Variants in CSMD1 observed in about 807,000 individuals in gnomAD.
CSMD1 encodes CUB and sushi domain-containing protein 1.
CSMD1 carries 213 observed loss-of-function variants against 417.5 expected under a neutral mutation model. The observed-to-expected ratio is 0.51, with a 90% CI of 0.46 to 0.57. CSMD1 has a LOEUF of 0.57. Ranked by LOEUF, CSMD1 falls within the 20% of genes least tolerant of loss-of-function variation. The probability of loss-of-function intolerance (pLI) is 0.00; values close to 1 mark genes in which losing one functional copy is unlikely to be tolerated. For missense variants in CSMD1, 6,923 were observed against 4,529.7 expected, an observed-to-expected ratio of 1.53 and a Z score of -15.17; for synonymous variants, 2,862 against 1,736.8, an observed-to-expected ratio of 1.65 and a Z score of -16.11.
At position 4,115,572 on chromosome 8, in the gene CSMD1, G is replaced by A. The variant is rs116596180; in HGVS notation, c.416-83473C>T. On this transcript the variant is annotated intron_variant, in intron 3 of 69. Transcript: ENST00000635120. ...TCATAATTTATTATTTGGCTAATAA[G>A]GAACTTAACTGATCATACATTTTTA... Among the ~76,000 whole-genome samples, 532 of 152,120 alleles carry A rather than the reference G, an allele frequency of 3.5e-3. 5 individuals are homozygous for A. Among genetic ancestry groups the A allele is most frequent in the African/African-American group, 0.012 (491 of 41,480 alleles).
intron 22 of CSMD1, among the ~76,000 whole-genome samples, chr8:3,346,033 ATGTGCGAAGGATCAATG>A (rs999332527): frequency 6.6e-6 from 1 of 152,170 alleles, no homozygotes; most frequent in African/African-American, 2.4e-5. Flanking sequence ...ACATCACAGT[ATGTGCGAAGGATCAATG>A]TGAACAGCAT....
intron 55 of CSMD1, among the ~76,000 whole-genome samples, chr8:2,976,276 T>C (rs1015205056): frequency 2.6e-5 from 4 of 152,156 alleles, no homozygotes; most frequent in Non-Finnish European, 5.9e-5. Context: ...TTCACAGTGC[T>C]AAAACTGAAA....
At chr8:3,834,418 C>A (rs368993212) in intron 5 of CSMD1, among the ~76,000 whole-genome samples, 21 of 152,070 alleles carry the variant, frequency 1.4e-4, no homozygotes, top group African/African-American at 5.1e-4. Context: ...CCAAATACCC[C>A]CTGGAAGTGG....
chr8:3,444,585 G>A (rs898663051), intron 12 of CSMD1, among the ~76,000 whole-genome samples: 34 of 152,196 alleles, frequency 2.2e-4, no homozygotes, highest in African/African-American at 7.7e-4. Flanking sequence ...TATCTGGTGG[G>A]TCAAGGCCAA....
chr8:3,936,975 G>A (rs1810541332), intron 5 of CSMD1, among the ~76,000 whole-genome samples: 1 of 152,272 alleles, frequency 6.6e-6, no homozygotes, highest in African/African-American at 2.4e-5. Context: ...TTTAAAAGAA[G>A]TTGATTTCAA....
At position 4,492,796 on chromosome 8, in the gene CSMD1, T is replaced by A. The variant is rs553815115; in HGVS notation, c.303-72731A>T. On this transcript the variant is annotated intron_variant, in intron 2 of 69. Transcript: ENST00000635120. ...TCTCTTTCCATACAGTTCTTGATCC[T>A]TATTCAGAGCACACAGTAATTTACT... 9.8e-5 allele frequency among the ~76,000 whole-genome samples: 15 copies of A among 152,352 alleles called. No individual in the cohort carries two copies. In the South Asian group the frequency reaches 3.1e-3, roughly 32 times the overall value.
In CSMD1 at chr8:4,559,012, C is replaced by T. The variant is rs576786412; in HGVS notation, c.302+78330G>A. On this transcript the variant is annotated intron_variant, in intron 2 of 69. Coordinates refer to ENST00000635120, the MANE Select transcript of CSMD1 (RefSeq NM_033225.6). ...CAGTATTGTTTCTTGATTGTACATT[C>T]ATCGTAGAGTTCTTTGCAAAGTCCC... 2.6e-5 allele frequency among the ~76,000 whole-genome samples: 4 copies of T among 152,180 alleles called. No individual in the cohort carries two copies. The East Asian group carries it at 7.7e-4, about 29-fold the overall frequency.
In CSMD1 at chr8:3,231,480, C is replaced by T. The variant is rs145435740; in HGVS notation, c.4154-1249G>A. 3.3e-5 allele frequency among the ~76,000 whole-genome samples: 5 copies of T among 152,114 alleles called. No homozygotes were observed. In the East Asian group the frequency reaches 9.7e-4, roughly 29 times the overall value. ...GGCTTTGCGTTTTGTTTTGTAAATT[C>T]TGAAGCATTTGTGTGTGTGCGTGTG... On this transcript the variant is annotated intron_variant, in intron 26 of 69. Coordinates refer to ENST00000635120, the MANE Select transcript of CSMD1 (RefSeq NM_033225.6).
At chr8:4,341,206 C>A (rs1800457929) in intron 3 of CSMD1, among the ~76,000 whole-genome samples, 1 of 152,020 alleles carries the variant, frequency 6.6e-6, no homozygotes, top group South Asian at 2.1e-4. Context: ...GCAATGAAGG[C>A]AAGTTTCCAT....
At chr8:3,123,329 G>C (rs1817315086) in intron 41 of CSMD1, among the ~76,000 whole-genome samples, 1 of 152,110 alleles carries the variant, frequency 6.6e-6, no homozygotes. Flanking sequence ...TTTCTTGAAA[G>C]CCACTGCCAA....
At chr8:3,753,666 G>C (rs1461877319) in intron 6 of CSMD1, among the ~76,000 whole-genome samples, 1 of 152,136 alleles carries the variant, frequency 6.6e-6, no homozygotes, top group Non-Finnish European at 1.5e-5. Context: ...TAAAATCAAT[G>C]ATAATAAATA....
At chr8:3,758,981 C>CTCTT (rs1797835365) in intron 5 of CSMD1, among the ~76,000 whole-genome samples, 1 of 152,184 alleles carries the variant, frequency 6.6e-6, no homozygotes, top group Non-Finnish European at 1.5e-5. Flanking sequence ...TCTTGGCTGA[C>CTCTT]AAGAAAGCTG....
At chr8:4,810,837 T>A (rs1798856863) in intron 1 of CSMD1, among the ~76,000 whole-genome samples, 1 of 152,162 alleles carries the variant, frequency 6.6e-6, no homozygotes, top group Admixed American at 6.5e-5. Flanking sequence ...CTTTATAAAT[T>A]AGTTCAAAGA....
intron 10 of CSMD1, among the ~76,000 whole-genome samples, chr8:3,502,835 G>A: frequency 6.6e-6 from 1 of 152,110 alleles, no homozygotes; most frequent in Non-Finnish European, 1.5e-5. Flanking sequence ...CAGCCGGAGT[G>A]AGCCCTAACG....
chr8:3,366,911 G>T, intron 20 of CSMD1, 121 bp downstream of exon 20: 2 of 794,168 alleles, frequency 2.5e-6, no homozygotes, highest in Non-Finnish European at 4.2e-6. Context: ...ATCAAGTCAC[G>T]CATGTACAAA....
intron 69 of CSMD1, among the ~76,000 whole-genome samples, chr8:2,940,184 A>G (rs1801770539): frequency 6.6e-6 from 1 of 152,220 alleles, no homozygotes; most frequent in Non-Finnish European, 1.5e-5. Flanking sequence ...TTTCCTGACC[A>G]GGTGGTGAGA....
intron 5 of CSMD1, among the ~76,000 whole-genome samples, chr8:3,802,280 T>C (rs1303463953): frequency 6.6e-6 from 1 of 152,184 alleles, no homozygotes; most frequent in Non-Finnish European, 1.5e-5. Flanking sequence ...ATGAGATTTC[T>C]GCTATTTTTC....
At chr8:4,693,423 G>C (rs1200560970) in intron 1 of CSMD1, among the ~76,000 whole-genome samples, 1 of 152,218 alleles carries the variant, frequency 6.6e-6, no homozygotes, top group African/African-American at 2.4e-5. Flanking sequence ...GGCTGTGTCA[G>C]CCTCAATATT....
At chr8:3,732,167 C>T (rs564288319) in intron 6 of CSMD1, among the ~76,000 whole-genome samples, 5 of 152,304 alleles carry the variant, frequency 3.3e-5, no homozygotes, top group African/African-American at 7.2e-5. Context: ...TCAGGTCACT[C>T]GTGGTGGTTG....
Sources: gnomAD v4.1 joint callset for allele counts (sites outside exome capture counted in the v4.1 genomes callset) on GRCh38, gnomAD v4.1.1 for gene constraint, MANE v1.5 for transcripts, NCBI Gene and HGNC (gene_info 2026-07-23, HGNC 2026-07-21) for gene names.